Variants in SHANK2 observed in about 807,000 individuals in gnomAD.
SHANK2 encodes SH3 and multiple ankyrin repeat domains protein 2.
A neutral mutation model predicts 133.7 loss-of-function variants in SHANK2; 43 were observed. The ratio of observed to expected loss-of-function variants is 0.32; its 90% CI spans 0.25 to 0.41. The LOEUF is 0.41. Ranked by LOEUF, SHANK2 falls within the 10% of genes least tolerant of loss-of-function variation. The probability of loss-of-function intolerance (pLI) is 1.00; values close to 1 mark genes in which losing one functional copy is unlikely to be tolerated. For synonymous variants in SHANK2, 1,017 were observed against 952.8 expected, an observed-to-expected ratio of 1.07 and a Z score of -1.24; for missense variants, 1,994 against 2,235.8, an observed-to-expected ratio of 0.89 and a Z score of 2.18.
chr11:71,107,971 C>T (rs1951826367), intron 6 of SHANK2, among the ~76,000 whole-genome samples: 1 of 152,182 alleles, frequency 6.6e-6, no homozygotes, highest in Non-Finnish European at 1.5e-5. Flanking sequence ...GCTGCCCAGT[C>T]CCCCGCAGCA....
chr11:71,082,653 G>A (rs1951315764), intron 8 of SHANK2, among the ~76,000 whole-genome samples: 2 of 152,198 alleles, frequency 1.3e-5, no homozygotes, highest in African/African-American at 4.8e-5. Context: ...GAGGATCAGG[G>A]GCCTGTCCCC....
intron 15 of SHANK2, among the ~76,000 whole-genome samples, chr11:70,670,953 G>A (rs1345388133): frequency 2.6e-5 from 4 of 152,224 alleles, no homozygotes; most frequent in African/African-American, 9.6e-5. Flanking sequence ...GCCCAGAGAC[G>A]TGCGCTGGCG....
intron 2 of SHANK2, among the ~76,000 whole-genome samples, chr11:71,184,329 C>T (rs4944283): frequency 0.62 from 94,452 of 152,028 alleles, 30,493 homozygotes; most frequent in African/African-American, 0.79. Context: ...TGGTCTATTC[C>T]ACACTGAGGC....
intron 2 of SHANK2, among the ~76,000 whole-genome samples, chr11:71,179,106 A>G (rs1039008993): frequency 1.3e-5 from 2 of 152,226 alleles, no homozygotes; most frequent in Non-Finnish European, 1.5e-5. Flanking sequence ...GCCTTCTGTG[A>G]GGCCAATATT....
chr11:70,913,973 C>A (rs1950231774), intron 10 of SHANK2, among the ~76,000 whole-genome samples: 1 of 152,210 alleles, frequency 6.6e-6, no homozygotes, highest in Non-Finnish European at 1.5e-5. Flanking sequence ...CTCGTTAGAG[C>A]AGTGCTGTGA....
rs1555085383 is a variant in SHANK2, at chr11:70,946,240, T to C, written c.1108-49673A>G. Among the ~76,000 whole-genome samples the C allele has an allele frequency of 2.3e-5, 3 of 130,478 alleles. 1 individual carries two copies. Among genetic ancestry groups the C allele is most frequent in the African/African-American group, 9.6e-5 (3 of 31,136 alleles). The allele number at this position is 130,478 out of a possible 152,430, so 85.6% of individuals were successfully genotyped here. On this transcript the variant is annotated intron_variant, in intron 10 of 25. Transcript: ENST00000601538. ...CTCTTCCCCAAGCTCAACCTCCCTCTCCGCTAACCAACCCTTTCCAGGCTC... is the reference window on the plus strand; with the variant it reads ...CTCTTCCCCAAGCTCAACCTCCCTCCCCGCTAACCAACCCTTTCCAGGCTC...
In SHANK2 at chr11:71,092,602, A is replaced by C. The variant is rs1951538498; in HGVS notation, c.745-13T>G. The C allele has an allele frequency of 1.3e-6, 2 of 1,549,596 alleles. No homozygotes were observed. The highest frequency in any genetic ancestry group is 2.0e-5 in the Admixed American group (1 of 50,930). ...GCTCTAAAAGGGTCTAGGAAAAAAA[A>C]ATTGAAAGCCGTCGTTATTGGTCTC... is the stretch of plus-strand genomic sequence containing the variant. On this transcript the variant is annotated splice_polypyrimidine_tract_variant and intron_variant, in intron 7 of 25. Transcript: ENST00000601538.
At chr11:70,795,752 AG>A (rs1947896256) in intron 14 of SHANK2, among the ~76,000 whole-genome samples, 1 of 152,110 alleles carries the variant, frequency 6.6e-6, no homozygotes, top group South Asian at 2.1e-4. Context: ...GGCAGAAGGG[AG>A]GGTTGGAGAG....
At chr11:71,225,047 G>A in intron 1 of SHANK2, among the ~76,000 whole-genome samples, 1 of 152,220 alleles carries the variant, frequency 6.6e-6, no homozygotes, top group East Asian at 1.9e-4. Context: ...GGGACATGGT[G>A]TGAGCTCTCT....
intron 17 of SHANK2, among the ~76,000 whole-genome samples, chr11:70,576,575 T>C (rs2060119168): frequency 1.3e-5 from 2 of 152,090 alleles, no homozygotes; most frequent in Admixed American, 1.3e-4. Flanking sequence ...AGGCGGAGCT[T>C]GCAGTGAGCC....
At chr11:71,214,659 G>A (rs1565519456) in intron 2 of SHANK2, among the ~76,000 whole-genome samples, 2 of 152,216 alleles carry the variant, frequency 1.3e-5, no homozygotes, top group Admixed American at 6.5e-5. Flanking sequence ...TCAGGCCAAG[G>A]GGGCATCACT....
Position 70,487,791 on chromosome 11 carries a change from T to TA in SHANK2, c.2573-72dup. 6.5e-7 allele frequency: 1 copy of TA among 1,549,484 alleles called. No homozygotes were observed. Among genetic ancestry groups the TA allele is most frequent in the Admixed American group, 2.0e-5 (1 of 51,008 alleles). ...AGCCTAAGTTCCTAGGAACGTGCGA[T>TA]ACGCTACATCTCCACAAACTCACAA... is the stretch of plus-strand genomic sequence containing the variant. On this transcript the variant is annotated intron_variant, in intron 24 of 25. Transcript: ENST00000601538. The surrounding 1 kb of genome is among the most constrained non-coding windows in gnomAD (Gnocchi z 5.8).
At position 70,744,681 on chromosome 11, in the gene SHANK2, C is replaced by T. The variant is rs1322473825; in HGVS notation, c.1778-45918G>A. On this transcript the variant is annotated intron_variant, in intron 14 of 25. Coordinates refer to ENST00000601538, the MANE Select transcript of SHANK2 (RefSeq NM_012309.5). ...TGGTGGAATTGTGATGGCTGGGGAC[C>T]GAAGTGCCAGCGTTTCTCCAAGCAC... 2.6e-5 allele frequency among the ~76,000 whole-genome samples: 4 copies of T among 152,174 alleles called. No homozygotes were observed. The South Asian group carries it at 6.2e-4, about 24-fold the overall frequency.
intron 25 of SHANK2, among the ~76,000 whole-genome samples, chr11:70,477,917 C>A (rs1565520788): frequency 6.6e-6 from 1 of 152,166 alleles, no homozygotes; most frequent in Non-Finnish European, 1.5e-5. Context: ...CCGCTGGGTT[C>A]CCAGTCGGAA....
In SHANK2 at chr11:71,127,235, T is replaced by G. The variant is rs1952209675; in HGVS notation, c.208-8203A>C. Among the ~76,000 whole-genome samples, 2 of 152,200 alleles carry G rather than the reference T, an allele frequency of 1.3e-5. 1 individual carries two copies. The highest frequency in any genetic ancestry group is 2.9e-5 in the Non-Finnish European group (2 of 68,034). On this transcript the variant is annotated intron_variant, in intron 3 of 25. Transcript: ENST00000601538. ...TGGATGAGGAGTTGCCTCTTTGGGATGAGCAGAGGAAGTGGTTTCCCGAGA... is the reference window on the plus strand; with the variant it reads ...TGGATGAGGAGTTGCCTCTTTGGGAGGAGCAGAGGAAGTGGTTTCCCGAGA...
chr11:71,220,930 G>T (rs1954522210), intron 2 of SHANK2, among the ~76,000 whole-genome samples: 1 of 152,184 alleles, frequency 6.6e-6, no homozygotes, highest in African/African-American at 2.4e-5. Flanking sequence ...GCCAGGCACG[G>T]TGGCTCACGC....
At chr11:70,732,290 G>C (rs1335392352) in intron 14 of SHANK2, among the ~76,000 whole-genome samples, 3 of 152,184 alleles carry the variant, frequency 2.0e-5, no homozygotes, top group Admixed American at 6.5e-5. Flanking sequence ...AGTGCCTGCA[G>C]GTCACAGACA....
chr11:70,717,052 C>G (rs575216312), intron 14 of SHANK2, among the ~76,000 whole-genome samples: 2 of 152,332 alleles, frequency 1.3e-5, no homozygotes, highest in East Asian at 1.9e-4. Context: ...CCCTCTCCAC[C>G]GTTACCACGC....
At chr11:71,199,153 C>A (rs1953970828) in intron 2 of SHANK2, among the ~76,000 whole-genome samples, 1 of 152,192 alleles carries the variant, frequency 6.6e-6, no homozygotes, top group Admixed American at 6.5e-5. Flanking sequence ...CTCACAGGAA[C>A]TGTAGGCCAG....
Sources: gnomAD v4.1 joint callset for allele counts (sites outside exome capture counted in the v4.1 genomes callset) on GRCh38, gnomAD v4.1.1 for gene constraint, Gnocchi (gnomAD v3.1) non-coding constraint, MANE v1.5 for transcripts, NCBI Gene and HGNC (gene_info 2026-07-23, HGNC 2026-07-21) for gene names.